The following LRRC69 variants were observed in gnomAD, a reference collection of about 807,000 sequenced individuals.
LRRC69 encodes leucine rich repeat containing 69, also known as leucine-rich repeat-containing protein 69.
A neutral mutation model predicts 37.8 loss-of-function variants in LRRC69; 42 were observed. That is an observed-to-expected ratio of 1.11 (90% CI 0.87 to 1.44). The LOEUF is 1.44. LRRC69 is among the 40% of genes most tolerant of loss of function. LRRC69 has a pLI of 0.00. For synonymous variants in LRRC69, 141 were observed against 143.1 expected, an observed-to-expected ratio of 0.99 and a Z score of 0.11; for missense variants, 357 against 401.9, an observed-to-expected ratio of 0.89 and a Z score of 0.96.
chr8:91,120,474 G>A (rs887901083), intron 1 of LRRC69, among the ~76,000 whole-genome samples: 6 of 152,094 alleles, frequency 3.9e-5, no homozygotes, highest in African/African-American at 1.4e-4. Context: ...CAGGAGAAAT[G>A]TAGTCTCAGC....
At chr8:91,122,472 A>G (rs1397133081) in intron 1 of LRRC69, among the ~76,000 whole-genome samples, 1 of 152,074 alleles carries the variant, frequency 6.6e-6, no homozygotes, top group African/African-American at 2.4e-5. Flanking sequence ...ACATCTAGGT[A>G]TCTCTTTGTG....
intron 7 of LRRC69, among the ~76,000 whole-genome samples, chr8:91,216,468 TA>T (rs1243108845): frequency 6.6e-6 from 1 of 152,186 alleles, no homozygotes; most frequent in Non-Finnish European, 1.5e-5. Context: ...TTTCTTTCTC[TA>T]ACTTCCTCCT....
intron 5 of LRRC69, among the ~76,000 whole-genome samples, chr8:91,179,247 T>A (rs1809284489): frequency 6.6e-6 from 1 of 152,182 alleles, no homozygotes; most frequent in South Asian, 2.1e-4. Flanking sequence ...GGCTTCTGCT[T>A]CTGGAGAGGC....
Position 91,146,579 on chromosome 8 carries a change from T to C in LRRC69, c.651+10840T>C, listed in dbSNP as rs79156874. On this transcript the variant is annotated intron_variant, in intron 5 of 7. Coordinates refer to ENST00000448384, the Ensembl canonical transcript of LRRC69. ...CAAGTAATCTCTATGGAGTTCGGGG[T>C]TTTTGTCCCTTTCACTGATGTATTC... is the stretch of plus-strand genomic sequence containing the variant. Among the ~76,000 whole-genome samples the C allele has an allele frequency of 2.2e-3, 335 of 151,810 alleles. 2 individuals carry two copies. Among genetic ancestry groups the C allele is most frequent in the African/African-American group, 7.8e-3 (324 of 41,482 alleles).
At chr8:91,105,468 G>C (rs1315316273) in intron 1 of LRRC69, among the ~76,000 whole-genome samples, 2 of 151,762 alleles carry the variant, frequency 1.3e-5, no homozygotes, top group African/African-American at 2.4e-5. Context: ...CAGATTGATT[G>C]GGCTCAGTAG....
chr8:91,139,589 C>T (rs1808497367), intron 5 of LRRC69, among the ~76,000 whole-genome samples: 2 of 150,998 alleles, frequency 1.3e-5, no homozygotes, highest in Admixed American at 6.6e-5. Flanking sequence ...ACCCGGGAGG[C>T]GGAGCTTGCA....
In LRRC69 at chr8:91,120,035, TG is replaced by T. The variant is rs1006818277; in HGVS notation, c.184-4451del. ...GCTATACTATCATTTATCTTGGGGG[TG>T]GGGGGGAACTCCAGCTTCTTCTTCA... On this transcript the variant is annotated intron_variant, in intron 1 of 7. Coordinates refer to ENST00000448384, the Ensembl canonical transcript of LRRC69. Among the ~76,000 whole-genome samples the T allele has an allele frequency of 7.2e-5, 11 of 151,802 alleles. No homozygotes were observed. The South Asian group carries it at 1.9e-3, about 26-fold the overall frequency.
intron 6 of LRRC69, among the ~76,000 whole-genome samples, chr8:91,199,843 A>G (rs1332584523): frequency 6.6e-6 from 1 of 152,166 alleles, no homozygotes; most frequent in Non-Finnish European, 1.5e-5. Context: ...TATGTAATAT[A>G]TTTTTATTAA....
rs182246627 is a variant in LRRC69, at chr8:91,140,107, A to T, written c.651+4368A>T. On this transcript the variant is annotated intron_variant, in intron 5 of 7. Coordinates refer to ENST00000448384, the Ensembl canonical transcript of LRRC69. ...ACTCCGTCTCAAAAAAAAAAAAAAAAAAAAAGTACTATCCAAGTATTCTCC... is the reference window on the plus strand; with the variant it reads ...ACTCCGTCTCAAAAAAAAAAAAAAATAAAAAGTACTATCCAAGTATTCTCC... 1.5e-4 allele frequency among the ~76,000 whole-genome samples: 23 copies of T among 151,844 alleles called. No individual in the cohort carries two copies. In the East Asian group the frequency reaches 4.4e-3, roughly 29 times the overall value.
At chr8:91,149,522 G>A (rs894272673) in intron 5 of LRRC69, among the ~76,000 whole-genome samples, 2 of 151,932 alleles carry the variant, frequency 1.3e-5, no homozygotes, top group African/African-American at 2.4e-5. Context: ...GTAGCGTGAT[G>A]CCTCCAGCTT....
At chr8:91,190,399 G>GTAAT (rs983841212) in intron 6 of LRRC69, among the ~76,000 whole-genome samples, 65 of 151,432 alleles carry the variant, frequency 4.3e-4, no homozygotes, top group African/African-American at 1.5e-3. Context: ...TACTACAAAA[G>GTAAT]TAATACAAGC....
chr8:91,110,884 G>C (rs1409894762), intron 1 of LRRC69, among the ~76,000 whole-genome samples: 1 of 152,014 alleles, frequency 6.6e-6, no homozygotes, highest in Non-Finnish European at 1.5e-5. Context: ...CAGCTCATTA[G>C]AAGGAAATAA....
At chr8:91,163,312 A>G (rs1006395892) in intron 5 of LRRC69, among the ~76,000 whole-genome samples, 1 of 151,534 alleles carries the variant, frequency 6.6e-6, no homozygotes, top group African/African-American at 2.4e-5. Flanking sequence ...GCAAATTTCC[A>G]TGAAAACAGC....
chr8:91,117,825 G>T (rs1052558297), intron 1 of LRRC69, among the ~76,000 whole-genome samples: 2 of 151,828 alleles, frequency 1.3e-5, no homozygotes, highest in African/African-American at 4.8e-5. Context: ...TGTGCTATGA[G>T]AGCTGATTTC....
At chr8:91,158,749 G>T (rs1259878003) in intron 5 of LRRC69, 4 of 891,812 alleles carry the variant, frequency 4.5e-6, no homozygotes, top group Non-Finnish European at 7.6e-6. Context: ...ACCAAGTCTG[G>T]CTGAATGAAA....
chr8:91,209,729 TTAG>T (rs1485420529), intron 7 of LRRC69, among the ~76,000 whole-genome samples: 4 of 152,104 alleles, frequency 2.6e-5, no homozygotes, highest in East Asian at 1.9e-4. Context: ...CTTTAAAAAA[TTAG>T]TAGAATTTTT....
intron 5 of LRRC69, among the ~76,000 whole-genome samples, chr8:91,163,185 T>C (rs899556843): frequency 6.6e-6 from 1 of 151,406 alleles, no homozygotes; most frequent in Non-Finnish European, 1.5e-5. Flanking sequence ...CTCTATGACA[T>C]CAAATTTTAA....
chr8:91,102,805 A>G (rs748908684), exon 1 of LRRC69: 68 of 1,551,510 alleles, frequency 4.4e-5, no homozygotes, highest in Non-Finnish European at 5.7e-5. Flanking sequence ...AGAATAACCT[A>G]ATCCCCAAAG....
intron 1 of LRRC69, among the ~76,000 whole-genome samples, chr8:91,116,539 C>CAT (rs66744420): frequency 0.46 from 68,853 of 150,478 alleles, 17,340 homozygotes; most frequent in South Asian, 0.64. Context: ...TGTCTGTATA[C>CAT]ATATATATAT....
Sources: gnomAD v4.1 joint callset for allele counts (sites outside exome capture counted in the v4.1 genomes callset) on GRCh38, gnomAD v4.1.1 for gene constraint, MANE v1.5 for transcripts, NCBI Gene and HGNC (gene_info 2026-07-23, HGNC 2026-07-21) for gene names.